The following AKAP9 variants were observed in gnomAD, a reference collection of about 807,000 sequenced individuals.
AKAP9 encodes A-kinase anchoring protein 9, also known as A-kinase anchor protein 9.
In AKAP9, 311 loss-of-function variants were observed where a neutral mutation model predicts 488.5. That is an observed-to-expected ratio of 0.64 (90% CI 0.58 to 0.70). AKAP9 has a LOEUF of 0.70. AKAP9 is among the 30% of genes least tolerant of loss of function. The pLI is 0.00. For missense variants in AKAP9, 4,215 were observed against 4,374.5 expected (o/e 0.96, Z 1.03); for synonymous variants, 1,462 against 1,483.5 (o/e 0.99, Z 0.33).
intron 26 of AKAP9, among the ~76,000 whole-genome samples, chr7:92,067,674 A>T (rs1053969150): frequency 1.3e-5 from 2 of 152,222 alleles, no homozygotes; most frequent in Admixed American, 1.3e-4. Context: ...TACCAAATGA[A>T]TGCTACATAA....
intron 3 of AKAP9, among the ~76,000 whole-genome samples, chr7:91,982,718 C>G (rs141320916): frequency 5.3e-5 from 8 of 152,080 alleles, no homozygotes; most frequent in Admixed American, 2.6e-4. Flanking sequence ...GTAATGGGAT[C>G]GCTGGGTCAG....
chr7:92,007,799 T>C (rs1436878452), intron 8 of AKAP9, among the ~76,000 whole-genome samples: 1 of 152,202 alleles, frequency 6.6e-6, no homozygotes. Context: ...GTATAGTTTA[T>C]CTGGAAGAAG....
At chr7:92,110,048 G>T in intron 49 of AKAP9, 74 bp from the exon 50 acceptor site, 1 of 1,109,032 alleles carries the variant, frequency 9.0e-7, no homozygotes, top group East Asian at 2.4e-5. Context: ...TTTCCTTTGT[G>T]TGAACTCTGG....
intron 38 of AKAP9, among the ~76,000 whole-genome samples, chr7:92,091,006 G>T (rs1051470947): frequency 2.0e-5 from 3 of 152,140 alleles, no homozygotes; most frequent in African/African-American, 7.2e-5. Context: ...GTTTTAATTG[G>T]CTGTTCTCTA....
chr7:92,066,106 T>C (rs1317867205), intron 25 of AKAP9, among the ~76,000 whole-genome samples: 1 of 152,198 alleles, frequency 6.6e-6, no homozygotes, highest in Non-Finnish European at 1.5e-5. Context: ...GAATTCCTCC[T>C]TTGTTCCAGA....
chr7:91,949,336 T>C (rs1461427324), intron 1 of AKAP9, among the ~76,000 whole-genome samples: 1 of 152,116 alleles, frequency 6.6e-6, no homozygotes, highest in Non-Finnish European at 1.5e-5. Context: ...TGATAGGTTC[T>C]TGGTGAGTTG....
At chr7:92,084,539 A>G (rs1204638023) in intron 33 of AKAP9, 101 bp from the exon 34 acceptor site, 1 of 812,946 alleles carries the variant, frequency 1.2e-6, no homozygotes, top group East Asian at 2.7e-5. Context: ...AAGGTGTGAC[A>G]GATTTGATTG....
At chr7:92,020,544 T>C (rs970190370) in intron 12 of AKAP9, among the ~76,000 whole-genome samples, 3 of 152,246 alleles carry the variant, frequency 2.0e-5, no homozygotes, top group African/African-American at 7.2e-5. Context: ...CCTTCTTCCA[T>C]GTTCCTGTAG....
At chr7:91,943,447 A>T (rs190756577) in intron 1 of AKAP9, among the ~76,000 whole-genome samples, 34 of 152,274 alleles carry the variant, frequency 2.2e-4, no homozygotes, top group Admixed American at 2.0e-3. Flanking sequence ...TATTCAGCAA[A>T]CGTATATTGA....
chr7:92,094,285 A>C (rs1449267651), intron 39 of AKAP9, among the ~76,000 whole-genome samples: 1 of 152,016 alleles, frequency 6.6e-6, no homozygotes, highest in Non-Finnish European at 1.5e-5. Flanking sequence ...TAATCCCAGC[A>C]CTTTGGGAGG....
At chr7:92,066,374 C>A in intron 25 of AKAP9, 53 bp from the exon 26 acceptor site, 1 of 1,601,988 alleles carries the variant, frequency 6.2e-7, no homozygotes, top group Non-Finnish European at 8.5e-7. Flanking sequence ...GAAATAATAG[C>A]TTCTCTAAAT....
chr7:91,980,314 C>T lies in AKAP9; in HGVS notation c.332C>T (p.Ala111Val). The change falls in exon 3 of 50, where the codon GCA (alanine) becomes GTA (valine). Residue 111 changes from alanine (A) to valine (V), a missense_variant. By Grantham distance (64) the Ala-to-Val change is moderately conservative (BLOSUM62 0). Around this residue, in one of 5 missense-constraint regions of AKAP9, gnomAD observed 2,361 missense variants for 2,430.0 expected, o/e 0.97. Coordinates refer to ENST00000356239, the MANE Select transcript of AKAP9 (RefSeq NM_005751.5). ...CTGGAAAGTGAAATTTCAACCACAG[C>T]AGATGACTGCAGTTCAGAGGTAAGA... Reference protein sequence around the residue: ...VELESEISTTADDCSSEVNGC... With the variant: ...VELESEISTTVDDCSSEVNGC... The T allele has an allele frequency of 1.9e-6, 3 of 1,580,622 alleles. No homozygotes were observed. Among genetic ancestry groups the T allele is most frequent in the Non-Finnish European group, 2.6e-6 (3 of 1,155,622 alleles).
At position 92,002,594 on chromosome 7, in the gene AKAP9, C is replaced by T; in HGVS notation, c.2677C>T (p.Leu893Phe). The change falls in exon 8 of 50, where the codon CTT (leucine) becomes TTT (phenylalanine). Residue 893 changes from leucine (L) to phenylalanine (F), a missense_variant. Coordinates refer to ENST00000356239, the MANE Select transcript of AKAP9 (RefSeq NM_005751.5). ...NKQELEYKSK[L>F]KALNEELHLQ... is the part of the protein sequence containing the mutation. Reference sequence around the variant, plus strand: ...ACAGGAATTAGAGTATAAAAGTAAACTTAAAGCACTTAATGAAGAGCTTCA... The same window carrying T: ...ACAGGAATTAGAGTATAAAAGTAAATTTAAAGCACTTAATGAAGAGCTTCA... 6.2e-7 allele frequency: 1 copy of T among 1,610,340 alleles called. No homozygotes were observed. Among genetic ancestry groups the T allele is most frequent in the South Asian group, 1.1e-5 (1 of 90,552 alleles).
chr7:92,079,922 T>G lies in AKAP9; in HGVS notation c.7789T>G (p.Leu2597Val). 1 of 1,613,432 alleles carries G rather than the reference T, an allele frequency of 6.2e-7. No individual in the cohort carries two copies. The highest frequency in any genetic ancestry group is 8.5e-7 in the Non-Finnish European group (1 of 1,179,756). ...TTTAAATCAACTAAGAGAAGATGAG[T>G]TGGGGTCAGATATATCAGCATTAAC... Reference protein sequence around the residue: ...QNLNQLREDELGSDISALTLR... With the variant: ...QNLNQLREDEVGSDISALTLR... Residue 2597 changes from leucine (L) to valine (V), a missense_variant, in exon 31 of 50, where the codon TTG becomes GTG. Leu to Val is a conservative substitution (Grantham distance 32). Around this residue, in one of 5 missense-constraint regions of AKAP9, gnomAD observed 1,476 missense variants for 1,477.4 expected, o/e 1.00. Coordinates refer to ENST00000356239, the MANE Select transcript of AKAP9 (RefSeq NM_005751.5).
intron 48 of AKAP9, chr7:92,107,846 G>C (rs1818768011): frequency 5.9e-6 from 1 of 169,492 alleles, no homozygotes; most frequent in Non-Finnish European, 1.3e-5. Flanking sequence ...GCGAGACTCT[G>C]TCTCAAAAAA....
chr7:91,955,586 G>A (rs920395288), intron 1 of AKAP9, among the ~76,000 whole-genome samples: 1 of 152,222 alleles, frequency 6.6e-6, no homozygotes, highest in Non-Finnish European at 1.5e-5. Flanking sequence ...GCATGTTCAC[G>A]TCTGCATAGT....
intron 3 of AKAP9, among the ~76,000 whole-genome samples, chr7:91,983,219 AG>A (rs971364567): frequency 6.6e-6 from 1 of 151,980 alleles, no homozygotes; most frequent in African/African-American, 2.4e-5. Flanking sequence ...ACCCCACGAC[AG>A]GCCCCCATGT....
At chr7:92,047,563 C>G (rs1807219377) in intron 21 of AKAP9, among the ~76,000 whole-genome samples, 1 of 152,162 alleles carries the variant, frequency 6.6e-6, no homozygotes, top group South Asian at 2.1e-4. Context: ...ATTCTGCAGA[C>G]ATTTACTGAG....
At chr7:92,074,855 C>A (rs542030348) in intron 28 of AKAP9, among the ~76,000 whole-genome samples, 3 of 151,922 alleles carry the variant, frequency 2.0e-5, no homozygotes, top group Non-Finnish European at 4.4e-5. Flanking sequence ...CAAACCAGGG[C>A]CTTTTAGGGG....
Sources: gnomAD v4.1 joint callset for allele counts (sites outside exome capture counted in the v4.1 genomes callset) on GRCh38, gnomAD v4.1.1 for gene constraint, gnomAD v4.1.1 regional missense constraint, MANE v1.5 for transcripts, NCBI Gene and HGNC (gene_info 2026-07-23, HGNC 2026-07-21) for gene names.